Variants in STK3 observed in about 807,000 individuals in gnomAD.
STK3 encodes serine/threonine kinase 3, also known as serine/threonine-protein kinase 3.
A neutral mutation model predicts 58.0 loss-of-function variants in STK3; 41 were observed. The observed-to-expected ratio is 0.71, with a 90% CI of 0.55 to 0.92. The LOEUF (loss-of-function observed/expected upper bound fraction) is 0.92. Among genes scored for constraint, STK3 ranks in the 40% least tolerant of loss-of-function variants. The pLI is 0.00. For missense variants in STK3, 479 were observed against 602.7 expected (o/e 0.79, Z 2.15); for synonymous variants, 170 against 191.0 (o/e 0.89, Z 0.91).
At position 98,665,707 on chromosome 8, in the gene STK3, AT is replaced by A. The variant is rs373663162; in HGVS notation, c.684+40759del. On this transcript the variant is annotated intron_variant, in intron 6 of 10. Coordinates refer to ENST00000419617, the MANE Select transcript of STK3 (RefSeq NM_006281.4). Reference sequence around the variant, plus strand: ...ACAACCACACCCAGTACCCATCCTGATTTTTTTTTTTTTTGAGACCGAGTCT... The same window carrying A: ...ACAACCACACCCAGTACCCATCCTGATTTTTTTTTTTTTGAGACCGAGTCT... 9.9e-3 allele frequency among the ~76,000 whole-genome samples: 1,375 copies of A among 138,762 alleles called. 16 individuals are homozygous for A. Among genetic ancestry groups the A allele is most frequent in the African/African-American group, 0.031 (1,154 of 37,398 alleles). 91.0% of individuals were successfully genotyped at this position (138,762 alleles called of 152,430 possible). A position where few individuals can be genotyped will look rare whatever the true frequency, so the allele number is the denominator to read the frequency against.
At chr8:98,663,835 G>A (rs1587219322) in intron 6 of STK3, among the ~76,000 whole-genome samples, 1 of 152,126 alleles carries the variant, frequency 6.6e-6, no homozygotes, top group African/African-American at 2.4e-5. Context: ...AACACAAGTT[G>A]TATTTCTAAG....
chr8:98,605,495 G>A (rs1171686449), intron 6 of STK3, among the ~76,000 whole-genome samples: 6 of 150,270 alleles, frequency 4.0e-5, no homozygotes, highest in East Asian at 2.0e-4. Context: ...GGAGTGCAGC[G>A]GCATGATCTC....
At chr8:98,607,298 T>G (rs1816852668) in intron 6 of STK3, among the ~76,000 whole-genome samples, 1 of 152,286 alleles carries the variant, frequency 6.6e-6, no homozygotes, top group African/African-American at 2.4e-5. Context: ...AAGTCAAATC[T>G]TTTTTTCATA....
chr8:98,372,199 T>A (rs1452866607), intron 2 of STK3, among the ~76,000 whole-genome samples: 1 of 152,196 alleles, frequency 6.6e-6, no homozygotes, highest in Non-Finnish European at 1.5e-5. Flanking sequence ...AGAGGGAACA[T>A]GGCTTGCTGA....
chr8:98,771,264 T>C (rs1050402343), intron 2 of STK3, among the ~76,000 whole-genome samples: 3 of 152,272 alleles, frequency 2.0e-5, no homozygotes, highest in African/African-American at 7.2e-5. Flanking sequence ...CACTGTAAAA[T>C]GTACCAGTAC....
At chr8:98,432,825 C>T (rs959117742) in intron 3 of STK3, 2 of 166,790 alleles carry the variant, frequency 1.2e-5, no homozygotes, top group Admixed American at 1.3e-4. Flanking sequence ...CACTACTGTG[C>T]AAGCATTGAC....
intron 2 of STK3, chr8:98,436,780 G>C (rs1468129822): frequency 6.6e-6 from 1 of 152,140 alleles, no homozygotes; most frequent in Non-Finnish European, 1.5e-5. Flanking sequence ...TGCAGTTAAA[G>C]GCTCCCAGGT....
chr8:98,671,230 G>A (rs1045371979), intron 6 of STK3, among the ~76,000 whole-genome samples: 1 of 152,046 alleles, frequency 6.6e-6, no homozygotes, highest in African/African-American at 2.4e-5. Context: ...CATTACCTAT[G>A]AAATTAAGGA....
At chr8:98,369,091 C>T (rs898265528), downstream of STK3, among the ~76,000 whole-genome samples, 1 of 152,206 alleles carries the variant, frequency 6.6e-6, no homozygotes, top group African/African-American at 2.4e-5. Context: ...CATCCCTTCC[C>T]CCTAATATTC....
At chr8:98,481,972 C>T (rs974585067) in intron 10 of STK3, among the ~76,000 whole-genome samples, 7 of 152,236 alleles carry the variant, frequency 4.6e-5, no homozygotes, top group South Asian at 4.1e-4. Flanking sequence ...TGAATTCTCA[C>T]GTTTCTCACA....
chr8:98,738,392 G>C (rs1442003311), intron 4 of STK3, among the ~76,000 whole-genome samples: 1 of 152,140 alleles, frequency 6.6e-6, no homozygotes, highest in Non-Finnish European at 1.5e-5. Context: ...AGAATCACTT[G>C]AATCTGGGAG....
intron 2 of STK3, among the ~76,000 whole-genome samples, chr8:98,768,600 T>C (rs1427647555): frequency 1.3e-5 from 2 of 152,172 alleles, no homozygotes; most frequent in African/African-American, 4.8e-5. Context: ...TGTATGTGTG[T>C]ATATTCCCTC....
chr8:98,596,885 A>G (rs958021422), intron 6 of STK3, among the ~76,000 whole-genome samples: 4 of 152,082 alleles, frequency 2.6e-5, no homozygotes, highest in African/African-American at 9.7e-5. Context: ...GAAGTAGATT[A>G]AAAAAACAAA....
chr8:98,386,175 G>GAT (rs1279115591), intron 1 of STK3, among the ~76,000 whole-genome samples: 2 of 152,172 alleles, frequency 1.3e-5, no homozygotes, highest in Middle Eastern at 3.4e-3. Flanking sequence ...CTACTAAAAT[G>GAT]ATATATATAT....
intron 1 of STK3, among the ~76,000 whole-genome samples, chr8:98,791,765 G>A (rs1040137310): frequency 6.6e-6 from 1 of 152,192 alleles, no homozygotes; most frequent in African/African-American, 2.4e-5. Context: ...CAAGCCACAT[G>A]TAGGAGAATG....
chr8:98,802,116 G>T (rs1329696659), intron 1 of STK3, among the ~76,000 whole-genome samples: 1 of 152,100 alleles, frequency 6.6e-6, no homozygotes. Flanking sequence ...AGGTTATAGT[G>T]AGCTATGACT....
intron 8 of STK3, among the ~76,000 whole-genome samples, chr8:98,569,996 TAGGAAAACCAGTA>T (rs1253740139): frequency 6.7e-6 from 1 of 148,180 alleles, no homozygotes; most frequent in Non-Finnish European, 1.5e-5. Flanking sequence ...TACTTATATT[TAGGAAAACCAGTA>T]AAGAACAAAT....
At chr8:98,477,338 T>C (rs946680201) in intron 10 of STK3, among the ~76,000 whole-genome samples, 28 of 152,246 alleles carry the variant, frequency 1.8e-4, no homozygotes, top group African/African-American at 6.3e-4. Context: ...GATCTATCTA[T>C]GTCAATCTAA....
chr8:98,347,501 C>T, the STK3 span, among the ~76,000 whole-genome samples: 82 of 149,842 alleles, frequency 5.5e-4, no homozygotes, highest in Non-Finnish European at 6.9e-4. Context: ...GGCCACAGAG[C>T]GAGACTCCGT....
Sources: gnomAD v4.1 joint callset for allele counts (sites outside exome capture counted in the v4.1 genomes callset) on GRCh38, gnomAD v4.1.1 for gene constraint, MANE v1.5 for transcripts, NCBI Gene and HGNC (gene_info 2026-07-23, HGNC 2026-07-21) for gene names.